Variants in RALYL observed in about 807,000 individuals in gnomAD.
The protein encoded by RALYL is RNA-binding Raly-like protein.
Under a neutral mutation model 35.1 loss-of-function variants are expected in RALYL, and 29 were observed. The observed-to-expected ratio is 0.83, with a 90% CI of 0.61 to 1.13. The LOEUF (loss-of-function observed/expected upper bound fraction) is 1.13. RALYL is among the 50% of genes most tolerant of loss of function. RALYL has a pLI of 0.00. For missense variants in RALYL, 359 were observed against 360.4 expected, an observed-to-expected ratio of 1.00 and a Z score of 0.03; for synonymous variants, 120 against 127.6, an observed-to-expected ratio of 0.94 and a Z score of 0.40.
At position 84,409,963 on chromosome 8, in the gene RALYL, A is replaced by C. The variant is rs532036379; in HGVS notation, c.-23-119336A>C. On this transcript the variant is annotated intron_variant, in intron 1 of 8. Coordinates refer to ENST00000521268, the MANE Select transcript of RALYL (RefSeq NM_173848.7). ...TTTGACCGAGAATGGAACTAAACCCAAAAATGGCCCAGCCACAGAATCTTA... is the reference window on the plus strand; with the variant it reads ...TTTGACCGAGAATGGAACTAAACCCCAAAATGGCCCAGCCACAGAATCTTA... 2.0e-5 allele frequency among the ~76,000 whole-genome samples: 3 copies of C among 152,040 alleles called. No homozygotes were observed. In the South Asian group the frequency reaches 6.2e-4, roughly 31 times the overall value.
At chr8:84,744,407 C>T (rs574576108) in intron 2 of RALYL, among the ~76,000 whole-genome samples, 1 of 152,066 alleles carries the variant, frequency 6.6e-6, no homozygotes, top group Admixed American at 6.6e-5. Flanking sequence ...TTGAGCTTGA[C>T]ATTCTCCTGT....
At chr8:84,583,442 A>G (rs1044894836) in intron 2 of RALYL, among the ~76,000 whole-genome samples, 1 of 152,200 alleles carries the variant, frequency 6.6e-6, no homozygotes, top group Non-Finnish European at 1.5e-5. Flanking sequence ...TTTTCAGTAC[A>G]GCCAAGTGTA....
intron 2 of RALYL, among the ~76,000 whole-genome samples, chr8:84,748,975 A>G (rs970434298): frequency 2.6e-5 from 4 of 152,118 alleles, no homozygotes; most frequent in African/African-American, 9.7e-5. Flanking sequence ...TAACTTGATC[A>G]TATTTGTTTT....
At chr8:84,232,861 A>G (rs1400508057) in intron 1 of RALYL, among the ~76,000 whole-genome samples, 2 of 152,198 alleles carry the variant, frequency 1.3e-5, no homozygotes, top group African/African-American at 4.8e-5. Flanking sequence ...ATATTTTAAT[A>G]ATATAATAAA....
intron 1 of RALYL, among the ~76,000 whole-genome samples, chr8:84,511,081 T>C (rs1377945532): frequency 6.6e-6 from 1 of 152,212 alleles, no homozygotes; most frequent in Non-Finnish European, 1.5e-5. Context: ...TTTCTATCTT[T>C]TCCCTAGCCC....
intron 1 of RALYL, among the ~76,000 whole-genome samples, chr8:84,445,801 C>T (rs1295269303): frequency 4.0e-5 from 6 of 151,296 alleles, no homozygotes; most frequent in Non-Finnish European, 8.9e-5. Flanking sequence ...CTTTTGGAGC[C>T]ACACTAAGTC....
intron 2 of RALYL, among the ~76,000 whole-genome samples, chr8:84,760,166 AT>A (rs1812349940): frequency 6.6e-6 from 1 of 152,188 alleles, no homozygotes; most frequent in South Asian, 2.1e-4. Flanking sequence ...AAATTATAAA[AT>A]TGATTGTTAT....
chr8:84,380,772 G>A (rs750059170), intron 1 of RALYL, among the ~76,000 whole-genome samples: 5 of 151,768 alleles, frequency 3.3e-5, no homozygotes, highest in Non-Finnish European at 7.4e-5. Context: ...TTTAAGCACC[G>A]AAAGGATTTA....
At chr8:84,194,956 A>C (rs1814851337) in intron 1 of RALYL, among the ~76,000 whole-genome samples, 1 of 152,078 alleles carries the variant, frequency 6.6e-6, no homozygotes, top group South Asian at 2.1e-4. Context: ...AGATGGAAAA[A>C]AGGAGATACT....
intron 2 of RALYL, among the ~76,000 whole-genome samples, chr8:84,546,242 C>T (rs1026167094): frequency 5.3e-5 from 8 of 152,156 alleles, no homozygotes; most frequent in Non-Finnish European, 8.8e-5. Flanking sequence ...TCTACTACCT[C>T]AGCCTCTGGT....
At chr8:84,688,971 A>C (rs923619642) in intron 2 of RALYL, among the ~76,000 whole-genome samples, 2 of 152,176 alleles carry the variant, frequency 1.3e-5, no homozygotes, top group African/African-American at 4.8e-5. Flanking sequence ...AAAAAATTTC[A>C]ACATCGCTAA....
intron 2 of RALYL, among the ~76,000 whole-genome samples, chr8:84,575,994 A>C (rs1262617326): frequency 1.3e-5 from 2 of 151,712 alleles, no homozygotes; most frequent in Non-Finnish European, 2.9e-5. Context: ...ACAATATTGG[A>C]TATGAAACAA....
intron 1 of RALYL, among the ~76,000 whole-genome samples, chr8:84,431,780 C>T (rs962987528): frequency 2.6e-5 from 4 of 152,070 alleles, no homozygotes; most frequent in African/African-American, 9.7e-5. Context: ...ACCACATTAT[C>T]CATTCATCCA....
At chr8:84,464,857 A>C (rs986218391) in intron 1 of RALYL, among the ~76,000 whole-genome samples, 4 of 141,428 alleles carry the variant, frequency 2.8e-5, no homozygotes, top group Non-Finnish European at 4.6e-5. Context: ...ATGGTATCTC[A>C]TTGTGGTTTT....
intron 4 of RALYL, among the ~76,000 whole-genome samples, chr8:84,810,572 CTGT>C (rs1004752902): frequency 3.3e-5 from 5 of 152,112 alleles, no homozygotes; most frequent in Non-Finnish European, 5.9e-5. Context: ...CTGTCTAGTG[CTGT>C]CAGTGGAGTA....
At chr8:84,431,322 A>G (rs1275645188) in intron 1 of RALYL, among the ~76,000 whole-genome samples, 2 of 152,074 alleles carry the variant, frequency 1.3e-5, no homozygotes, top group Non-Finnish European at 2.9e-5. Flanking sequence ...AATATACTAT[A>G]CTATCCTGAC....
In RALYL at chr8:84,288,380, C is replaced by T. The variant is rs1304936085; in HGVS notation, c.-24+103956C>T. 2.6e-5 allele frequency among the ~76,000 whole-genome samples: 4 copies of T among 152,128 alleles called. 1 individual carries two copies. The highest frequency in any genetic ancestry group is 4.1e-4 in the South Asian group (2 of 4,828). On this transcript the variant is annotated intron_variant, in intron 1 of 8. Transcript: ENST00000521268. The stretch of plus-strand genomic sequence containing the variant: ...AAATCATTGAAAATATCTGTCATGT[C>T]ATCATTGCCGATTTTCTCTTCTTCA...
At chr8:84,619,023 C>A (rs1820575726) in intron 2 of RALYL, among the ~76,000 whole-genome samples, 1 of 148,024 alleles carries the variant, frequency 6.8e-6, no homozygotes, top group Non-Finnish European at 1.5e-5. Flanking sequence ...AGTATGTGGT[C>A]AATTTTGGAA....
chr8:84,699,107 A>G (rs187537309), intron 2 of RALYL, among the ~76,000 whole-genome samples: 26 of 152,274 alleles, frequency 1.7e-4, no homozygotes, highest in Admixed American at 1.2e-3. Flanking sequence ...ATAAGTGTAT[A>G]CATCCTATTC....
Sources: allele counts gnomAD v4.1 joint callset (sites outside exome capture counted in the v4.1 genomes callset), GRCh38; gene constraint gnomAD v4.1.1; transcripts MANE v1.5; gene names NCBI Gene and HGNC (gene_info 2026-07-23, HGNC 2026-07-21).